The following DOCK2 variants were observed in gnomAD, a reference collection of about 807,000 sequenced individuals.
DOCK2 encodes the protein dedicator of cytokinesis protein 2.
A neutral mutation model predicts 248.9 loss-of-function variants in DOCK2; 87 were observed. The ratio of observed to expected loss-of-function variants is 0.35; its 90% CI spans 0.29 to 0.42. The LOEUF (loss-of-function observed/expected upper bound fraction) is 0.42, where lower values mean the gene tolerates loss of function less well. Among genes scored for constraint, DOCK2 ranks in the 10% least tolerant of loss-of-function variants. The pLI is 1.00. For missense variants in DOCK2, 1,747 were observed against 2,300.2 expected, an observed-to-expected ratio of 0.76 and a Z score of 4.92; for synonymous variants, 805 against 821.6, an observed-to-expected ratio of 0.98 and a Z score of 0.35.
intron 25 of DOCK2, among the ~76,000 whole-genome samples, chr5:169,766,425 G>A (rs975942986): frequency 1.1e-4 from 16 of 152,196 alleles, no homozygotes; most frequent in Non-Finnish European, 2.4e-4. Context: ...TGGCTGCGTA[G>A]TATTTCATCA....
intron 2 of DOCK2, among the ~76,000 whole-genome samples, chr5:169,658,568 C>G (rs911612443): frequency 3.4e-5 from 5 of 148,818 alleles, no homozygotes; most frequent in Non-Finnish European, 5.9e-5. Flanking sequence ...CATATTTTAT[C>G]TTTTTATCTC....
chr5:169,804,466 G>GTGTA (rs1767195364), intron 26 of DOCK2, among the ~76,000 whole-genome samples: 2 of 82,022 alleles, frequency 2.4e-5, no homozygotes, highest in Non-Finnish European at 6.1e-5. Flanking sequence ...GTGTGTGTGT[G>GTGTA]TGTGTGTGTG....
intron 30 of DOCK2, chr5:170,000,238 A>G (rs1191623452): frequency 1.3e-5 from 2 of 152,264 alleles, no homozygotes; most frequent in African/African-American, 4.8e-5. Context: ...AGAAGGCTAT[A>G]CAAATCCATC....
intron 46 of DOCK2, 141 bp downstream of exon 46, chr5:170,069,361 A>G: frequency 1.3e-6 from 1 of 781,168 alleles, no homozygotes; most frequent in South Asian, 1.7e-5. Context: ...CCCTCTTCCA[A>G]CTCTGTATCA....
chr5:170,005,491 T>C (rs1012654466), intron 30 of DOCK2, among the ~76,000 whole-genome samples: 4 of 152,114 alleles, frequency 2.6e-5, no homozygotes, highest in Admixed American at 2.6e-4. Context: ...ACCACTGCAT[T>C]TACTGAGTGC....
At chr5:169,988,657 C>A (rs1393055277) in intron 29 of DOCK2, among the ~76,000 whole-genome samples, 1 of 152,124 alleles carries the variant, frequency 6.6e-6, no homozygotes. Context: ...GGATTACAGG[C>A]ATGCACCACT....
chr5:169,910,353 A>G (rs1347364199), intron 27 of DOCK2, among the ~76,000 whole-genome samples: 1 of 152,230 alleles, frequency 6.6e-6, no homozygotes, highest in Non-Finnish European at 1.5e-5. Flanking sequence ...AGGTCACTAC[A>G]AAGTCATTTA....
chr5:169,803,631 A>G (rs1276770530), intron 26 of DOCK2, among the ~76,000 whole-genome samples: 3 of 152,192 alleles, frequency 2.0e-5, no homozygotes, highest in Non-Finnish European at 4.4e-5. Flanking sequence ...AAAATGATTA[A>G]GCCTCTTCCT....
intron 13 of DOCK2, 126 bp from the exon 14 acceptor site, chr5:169,702,177 T>C: frequency 8.1e-7 from 1 of 1,230,002 alleles, no homozygotes. Flanking sequence ...CTCTAAGCAA[T>C]TCTGATTTTA....
chr5:169,971,048 G>A (rs1471811412), intron 27 of DOCK2, among the ~76,000 whole-genome samples: 6 of 152,278 alleles, frequency 3.9e-5, no homozygotes, highest in South Asian at 2.1e-4. Context: ...TATTAATGAT[G>A]ACGGGGAGAG....
chr5:169,857,431 T>A (rs988581548), intron 27 of DOCK2, among the ~76,000 whole-genome samples: 4 of 152,212 alleles, frequency 2.6e-5, no homozygotes, highest in African/African-American at 9.7e-5. Context: ...GGGTCCTGAA[T>A]GCCATGTAGA....
intron 27 of DOCK2, among the ~76,000 whole-genome samples, chr5:169,916,401 C>G (rs935260816): frequency 1.7e-4 from 26 of 152,290 alleles, no homozygotes; most frequent in African/African-American, 5.3e-4. Flanking sequence ...CTCCTATCAC[C>G]CCTGTTCTGG....
chr5:170,081,569 T>G (rs1322412889), intron 50 of DOCK2: 1 of 453,472 alleles, frequency 2.2e-6, no homozygotes, highest in Non-Finnish European at 4.0e-6. Context: ...AAGGTTCTGT[T>G]TCCTGGGGAT....
intron 46 of DOCK2, among the ~76,000 whole-genome samples, chr5:170,069,513 G>A (rs901195017): frequency 4.6e-5 from 7 of 152,056 alleles, no homozygotes; most frequent in Admixed American, 1.3e-4. Context: ...TTTTCACAGC[G>A]GGATGCAAAT....
chr5:170,049,857 G>T (rs1389748506), intron 40 of DOCK2, among the ~76,000 whole-genome samples: 1 of 152,208 alleles, frequency 6.6e-6, no homozygotes, highest in East Asian at 1.9e-4. Context: ...CAGGTGATGA[G>T]GATATGAATG....
intron 26 of DOCK2, among the ~76,000 whole-genome samples, chr5:169,837,919 A>G (rs1002653320): frequency 6.6e-6 from 1 of 152,148 alleles, no homozygotes; most frequent in Non-Finnish European, 1.5e-5. Flanking sequence ...ATGGCTATTT[A>G]AAAGAAGCAA....
At chr5:169,773,498 C>G (rs1765212188) in intron 25 of DOCK2, among the ~76,000 whole-genome samples, 1 of 151,810 alleles carries the variant, frequency 6.6e-6, no homozygotes, top group African/African-American at 2.4e-5. Flanking sequence ...TAGAGAACAA[C>G]AAAATCACTC....
At chr5:169,718,970 T>C (rs946878639) in intron 22 of DOCK2, among the ~76,000 whole-genome samples, 179 bp downstream of exon 22, 1 of 152,184 alleles carries the variant, frequency 6.6e-6, no homozygotes, top group Non-Finnish European at 1.5e-5. Flanking sequence ...CTAAGTTCAT[T>C]TGGGAAAAAA....
intron 3 of DOCK2, among the ~76,000 whole-genome samples, chr5:169,670,076 G>A (rs1325454230): frequency 6.6e-6 from 1 of 152,204 alleles, no homozygotes. Context: ...TAGGAACATT[G>A]TTGCTTCAGG....
Sources: allele counts gnomAD v4.1 joint callset (sites outside exome capture counted in the v4.1 genomes callset), GRCh38; gene constraint gnomAD v4.1.1; transcripts MANE v1.5; gene names NCBI Gene and HGNC (gene_info 2026-07-23, HGNC 2026-07-21).